The following NUDCD3 variants were observed in gnomAD, a reference collection of about 807,000 sequenced individuals.
NUDCD3 encodes the protein nudC domain-containing protein 3.
NUDCD3 carries 13 observed loss-of-function variants against 39.7 expected under a neutral mutation model. The ratio of observed to expected loss-of-function variants is 0.33; its 90% confidence interval spans 0.21 to 0.52. The LOEUF is 0.52. NUDCD3 is among the 20% of genes least tolerant of loss of function. NUDCD3 has a pLI of 0.96. For missense variants in NUDCD3, 453 were observed against 458.1 expected (o/e 0.99, Z 0.10); for synonymous variants, 175 against 172.4 (o/e 1.02, Z -0.12).
chr7:44,388,444 C>T lies in NUDCD3; in HGVS notation c.976-2323G>A, dbSNP rs527400089. 2.0e-5 allele frequency among the ~76,000 whole-genome samples: 3 copies of T among 152,344 alleles called. No individual in the cohort carries two copies. In the South Asian group the frequency reaches 6.2e-4, roughly 32 times the overall value. On this transcript the variant is annotated intron_variant, in intron 5 of 5. Coordinates refer to ENST00000355451, the MANE Select transcript of NUDCD3 (RefSeq NM_015332.4). ...TGCTACATGAGGCCACATGAGGGCA[C>T]ACACCTACCTTCTAGGTGTTTCCTC...
intron 2 of NUDCD3, among the ~76,000 whole-genome samples, chr7:44,461,013 C>T (rs1299564277): frequency 6.6e-6 from 1 of 152,212 alleles, no homozygotes; most frequent in African/African-American, 2.4e-5. Context: ...TCCTAGACAA[C>T]AGGCCTAAAA....
intron 4 of NUDCD3, among the ~76,000 whole-genome samples, chr7:44,403,968 G>A (rs908385818): frequency 1.3e-5 from 2 of 152,136 alleles, no homozygotes; most frequent in Non-Finnish European, 2.9e-5. Flanking sequence ...TGGCCCAGGC[G>A]TGCAGCCCAA....
chr7:44,476,313 A>C (rs1391422856), intron 2 of NUDCD3, among the ~76,000 whole-genome samples: 2 of 152,214 alleles, frequency 1.3e-5, no homozygotes, highest in Non-Finnish European at 2.9e-5. Context: ...GTGCTATAGA[A>C]GGAATGTTTG....
rs58853542 is a variant in NUDCD3 at position 44,430,570 on chromosome 7, TCACACACA to T, written c.510-2875_510-2868del. Among the ~76,000 whole-genome samples the T allele has an allele frequency of 7.1e-3, 896 of 125,880 alleles. 7 individuals are homozygous for T. The highest frequency in any genetic ancestry group is 0.025 in the African/African-American group (843 of 33,178). 82.6% of individuals were successfully genotyped at this position (125,880 alleles called of 152,430 possible). A position where few individuals can be genotyped will look rare whatever the true frequency, so the allele number is the denominator to read the frequency against. ...ATAAAATACCCACACACACACACAC[TCACACACA>T]CACACACACACACACACACACACAC... On this transcript the variant is annotated intron_variant, in intron 2 of 5. Transcript: ENST00000355451.
chr7:44,385,891 A>G lies in NUDCD3; in HGVS notation c.*120T>C. ...GTGGAAGGCCTGGTTCACCCTTGAA[A>G]GAAAGGATGGCTAGGGGTAAACAAG... On this transcript the variant is annotated 3_prime_UTR_variant, in exon 6 of 6. Coordinates refer to ENST00000355451, the MANE Select transcript of NUDCD3 (RefSeq NM_015332.4). The G allele has an allele frequency of 1.5e-6, 1 of 648,626 alleles. No individual in the cohort carries two copies. Among genetic ancestry groups the G allele is most frequent in the Non-Finnish European group, 2.8e-6 (1 of 354,858 alleles). 40.2% of individuals were successfully genotyped at this position (648,626 alleles called of 1,614,324 possible).
chr7:44,435,853 C>T (rs1436762986), intron 2 of NUDCD3, among the ~76,000 whole-genome samples: 4 of 152,130 alleles, frequency 2.6e-5, no homozygotes, highest in African/African-American at 9.7e-5. Context: ...CACAGGACCT[C>T]GAATCCATTC....
In NUDCD3 at chr7:44,485,300, A is replaced by C. The variant is rs1800584098; in HGVS notation, c.193-16T>G. 1 of 1,585,226 alleles carries C rather than the reference A, an allele frequency of 6.3e-7. No individual in the cohort carries two copies. Among genetic ancestry groups the C allele is most frequent in the Non-Finnish European group, 8.6e-7 (1 of 1,161,138 alleles). On this transcript the variant is annotated splice_polypyrimidine_tract_variant and intron_variant, in intron 1 of 5. Transcript: ENST00000355451. ...TTTTGAATACCTAAAATCAAACACCAATCCAGCAATCAGTTCATCTGCCCA... is the reference window on the plus strand; with the variant it reads ...TTTTGAATACCTAAAATCAAACACCCATCCAGCAATCAGTTCATCTGCCCA...
In NUDCD3 at chr7:44,392,324, C is replaced by A. The variant is rs756727829; in HGVS notation, c.948G>T (p.Leu316=). 1.2e-6 allele frequency: 2 copies of A among 1,614,024 alleles called. No individual in the cohort carries two copies. Among genetic ancestry groups the A allele is most frequent in the South Asian group, 2.2e-5 (2 of 91,060 alleles). Reference sequence around the variant, plus strand: ...GCTCATGGCTCTGTGGCTTGCCCTGCAGCTTCTGGTGGTAGTCAAAGGTAA... The same window carrying A: ...GCTCATGGCTCTGTGGCTTGCCCTGAAGCTTCTGGTGGTAGTCAAAGGTAA... ...DRLTFDYHQK[L]QGKPQSHELK... Residue 316 remains leucine, a synonymous_variant, in exon 5 of 6, where the codon CTG becomes CTT. Transcript: ENST00000355451.
chr7:44,485,499 C>T, intron 1 of NUDCD3: 1 of 530,354 alleles, frequency 1.9e-6, no homozygotes, highest in Non-Finnish European at 3.3e-6. Context: ...AAATCAGAAA[C>T]TTATAAGCCA....
intron 4 of NUDCD3, among the ~76,000 whole-genome samples, chr7:44,402,128 G>A (rs1445561212): frequency 6.6e-6 from 1 of 152,220 alleles, no homozygotes; most frequent in Non-Finnish European, 1.5e-5. Flanking sequence ...AGCCTTCTGG[G>A]ACAAGGCAGG....
chr7:44,407,164 C>T (rs1402839683), intron 3 of NUDCD3, among the ~76,000 whole-genome samples: 1 of 151,884 alleles, frequency 6.6e-6, no homozygotes, highest in East Asian at 1.9e-4. Context: ...GGTCAATCCA[C>T]TCAGCTGTCG....
intron 2 of NUDCD3, among the ~76,000 whole-genome samples, chr7:44,434,072 A>G (rs536672302): frequency 1.2e-3 from 180 of 152,262 alleles, no homozygotes; most frequent in South Asian, 3.5e-3. Flanking sequence ...AAAATGACCC[A>G]TCCTTGAGGC....
intron 2 of NUDCD3, chr7:44,468,340 T>TA: frequency 1.7e-6 from 1 of 602,526 alleles, no homozygotes; most frequent in African/African-American, 5.9e-5. Flanking sequence ...TAAATAAATG[T>TA]AAAAACTGCA....
In NUDCD3 at chr7:44,485,036, C is replaced by G. The variant is rs138070211; in HGVS notation, c.441G>C (p.Gln147His). 8.7e-6 allele frequency: 14 copies of G among 1,614,224 alleles called. No homozygotes were observed. The highest frequency in any genetic ancestry group is 1.1e-5 in the Non-Finnish European group (13 of 1,180,038). Residue 147 changes from glutamine (Q) to histidine (H), a missense_variant, in exon 2 of 6, where the codon CAG becomes CAC. Physicochemically the swap from Gln to His is conservative, Grantham distance 24. Transcript: ENST00000355451. Reference protein sequence around the residue: ...GPVKEMAHGSQEAEAPGAVAG... With the variant: ...GPVKEMAHGSHEAEAPGAVAG... ...CAACTGCTCCTGGAGCTTCTGCCTCCTGTGAACCATGGGCCATTTCCTTCA... is the reference window on the plus strand; with the variant it reads ...CAACTGCTCCTGGAGCTTCTGCCTCGTGTGAACCATGGGCCATTTCCTTCA...
chr7:44,490,372 G>A (rs1178646168), intron 1 of NUDCD3, 37 bp downstream of exon 1: 4 of 1,486,534 alleles, frequency 2.7e-6, no homozygotes, highest in Non-Finnish European at 2.7e-6. Flanking sequence ...CAGGCCGGGG[G>A]CGGCGGCTCC....
chr7:44,432,175 G>A (rs375579996), intron 2 of NUDCD3, among the ~76,000 whole-genome samples: 3 of 152,130 alleles, frequency 2.0e-5, no homozygotes, highest in African/African-American at 4.8e-5. Context: ...CTGGCTACTC[G>A]GAGGGTTGAG....
chr7:44,427,785 T>G, intron 2 of NUDCD3, 82 bp from the exon 3 acceptor site: 1 of 1,456,818 alleles, frequency 6.9e-7, no homozygotes. Flanking sequence ...ATGCCACTCC[T>G]ACATCCTGGA....
chr7:44,448,563 T>C (rs1053229821), intron 2 of NUDCD3, among the ~76,000 whole-genome samples: 5 of 152,254 alleles, frequency 3.3e-5, no homozygotes, highest in Non-Finnish European at 5.9e-5. Context: ...CCACAGTTAA[T>C]GTTAACATCA....
Position 44,385,803 on chromosome 7 carries a change from C to T in NUDCD3, c.*208G>A, listed in dbSNP as rs1424468996. 10 of 557,500 alleles carry T rather than the reference C, an allele frequency of 1.8e-5. No individual in the cohort carries two copies. Among genetic ancestry groups the T allele is most frequent in the East Asian group, 5.9e-5 (2 of 33,750 alleles). The allele number at this position is 557,500 out of a possible 1,614,324, so 34.5% of individuals were successfully genotyped here. A position where few individuals can be genotyped will look rare whatever the true frequency, so the allele number is the denominator to read the frequency against. On this transcript the variant is annotated 3_prime_UTR_variant, in exon 6 of 6. Coordinates refer to ENST00000355451, the MANE Select transcript of NUDCD3 (RefSeq NM_015332.4). ...CACCTTCACTCAGTGTCAGCCACAG[C>T]GGCCACCACATAGCAGCTGGCCCCG...
Sources: gnomAD v4.1 joint callset for allele counts (sites outside exome capture counted in the v4.1 genomes callset) on GRCh38, gnomAD v4.1.1 for gene constraint, MANE v1.5 for transcripts, NCBI Gene and HGNC (gene_info 2026-07-23, HGNC 2026-07-21) for gene names.